Variants in KLF12 observed in about 807,000 individuals in gnomAD.
KLF12 encodes Krueppel-like factor 12.
In KLF12, 9 loss-of-function variants were observed where a neutral mutation model predicts 37.8. The observed-to-expected ratio is 0.24, with a 90% confidence interval of 0.14 to 0.42. The LOEUF is 0.42. KLF12 is among the 10% of genes least tolerant of loss of function. The pLI is 1.00. For missense variants in KLF12, 411 were observed against 516.0 expected, an observed-to-expected ratio of 0.80 and a Z score of 1.97; for synonymous variants, 208 against 202.1, an observed-to-expected ratio of 1.03 and a Z score of -0.25.
At chr13:74,280,477 G>C in the KLF12 span, among the ~76,000 whole-genome samples, 1 of 152,180 alleles carries the variant, frequency 6.6e-6, no homozygotes, top group Non-Finnish European at 1.5e-5. Context: ...ATACACACTG[G>C]AAATTTACAC....
chr13:73,896,652 A>C (rs1463523557), intron 3 of KLF12, among the ~76,000 whole-genome samples: 1 of 152,214 alleles, frequency 6.6e-6, no homozygotes, highest in East Asian at 1.9e-4. Context: ...ATATGTAATA[A>C]AATTTCTCTG....
At chr13:73,999,768 C>T (rs1412571924) in intron 1 of KLF12, among the ~76,000 whole-genome samples, 1 of 147,090 alleles carries the variant, frequency 6.8e-6, no homozygotes, top group African/African-American at 2.6e-5. Context: ...ACAAAAACCC[C>T]AGGCACAAAG....
chr13:73,825,281 C>T (rs1467015707), intron 4 of KLF12, among the ~76,000 whole-genome samples: 2 of 152,080 alleles, frequency 1.3e-5, no homozygotes, highest in Non-Finnish European at 2.9e-5. Flanking sequence ...TTGGTCAGAC[C>T]ACTTCCTGAG....
At chr13:73,929,521 A>C (rs1383847717) in intron 3 of KLF12, among the ~76,000 whole-genome samples, 1 of 152,184 alleles carries the variant, frequency 6.6e-6, no homozygotes, top group Non-Finnish European at 1.5e-5. Context: ...AAGAGAGTAC[A>C]TCTCACTGTA....
the KLF12 span, among the ~76,000 whole-genome samples, chr13:74,232,438 C>T: frequency 2.0e-5 from 3 of 152,130 alleles, no homozygotes; most frequent in African/African-American, 7.2e-5. Flanking sequence ...TTTATTCATT[C>T]ATATATGTTT....
chr13:73,833,715 A>C (rs915778101), intron 4 of KLF12, among the ~76,000 whole-genome samples: 5 of 152,158 alleles, frequency 3.3e-5, no homozygotes, highest in African/African-American at 1.2e-4. Context: ...TACATGGATA[A>C]AGGTAGAATG....
At chr13:74,289,148 A>T in the KLF12 span, 3 of 152,320 alleles carry the variant, frequency 2.0e-5, no homozygotes, top group Middle Eastern at 6.8e-3. Context: ...GGGTAGAACA[A>T]AGAGTTCGAT....
chr13:73,845,198 C>T (rs1186289909), intron 4 of KLF12: 1 of 152,094 alleles, frequency 6.6e-6, no homozygotes, highest in East Asian at 1.9e-4. Context: ...GAAATATTTC[C>T]AGTATATTGA....
At chr13:74,134,956 G>A (rs1196261922), upstream of KLF12, among the ~76,000 whole-genome samples, 1 of 151,784 alleles carries the variant, frequency 6.6e-6, no homozygotes, top group Admixed American at 6.6e-5. Context: ...CGGGACTGTG[G>A]GGCAGCTCGC....
At chr13:74,204,889 C>T in the KLF12 span, among the ~76,000 whole-genome samples, 1 of 152,076 alleles carries the variant, frequency 6.6e-6, no homozygotes, top group African/African-American at 2.4e-5. Context: ...AGTTTATTGC[C>T]ACTATTGCAA....
chr13:74,293,804 G>A, the KLF12 span, among the ~76,000 whole-genome samples: 1 of 152,174 alleles, frequency 6.6e-6, no homozygotes, highest in African/African-American at 2.4e-5. Flanking sequence ...AGCACCTGTG[G>A]CTGCTTCTTT....
At chr13:73,849,961 G>C (rs1328704080) in intron 3 of KLF12, among the ~76,000 whole-genome samples, 2 of 152,216 alleles carry the variant, frequency 1.3e-5, no homozygotes, top group East Asian at 1.9e-4. Flanking sequence ...GATTGTATAA[G>C]AACACTGGAT....
At chr13:73,706,320 G>GA (rs1235977999) in intron 7 of KLF12, among the ~76,000 whole-genome samples, 5 of 151,916 alleles carry the variant, frequency 3.3e-5, no homozygotes, top group African/African-American at 1.2e-4. Context: ...CTAAATATAG[G>GA]AAAAAAGATC....
chr13:73,899,348 G>A (rs1257466427), intron 3 of KLF12, among the ~76,000 whole-genome samples: 1 of 152,190 alleles, frequency 6.6e-6, no homozygotes, highest in Non-Finnish European at 1.5e-5. Flanking sequence ...CCACCTAATG[G>A]AAGGAGGGGA....
intron 3 of KLF12, among the ~76,000 whole-genome samples, chr13:73,939,636 CTT>C (rs1890101900): frequency 3.3e-5 from 5 of 152,112 alleles, no homozygotes; most frequent in Admixed American, 1.3e-4. Flanking sequence ...GTAATAGGGC[CTT>C]TTTCTCCTGT....
chr13:74,048,021 C>CCA (rs746368429), intron 1 of KLF12, among the ~76,000 whole-genome samples: 9 of 152,228 alleles, frequency 5.9e-5, no homozygotes, highest in Admixed American at 2.0e-4. Context: ...CATAGCTCCA[C>CCA]CATGCCCAGG....
chr13:73,949,725 C>A (rs147262663), intron 2 of KLF12, among the ~76,000 whole-genome samples: 33 of 152,280 alleles, frequency 2.2e-4, no homozygotes, highest in African/African-American at 7.7e-4. Context: ...ACTCACATAT[C>A]CTCATGCTGA....
the KLF12 span, among the ~76,000 whole-genome samples, chr13:74,143,761 A>G: frequency 6.6e-6 from 1 of 152,212 alleles, no homozygotes; most frequent in East Asian, 1.9e-4. Flanking sequence ...AGTAGAAGCC[A>G]TACCTTGAGT....
chr13:74,019,631 A>G (rs1476724893), intron 1 of KLF12, among the ~76,000 whole-genome samples: 1 of 152,250 alleles, frequency 6.6e-6, no homozygotes, highest in Non-Finnish European at 1.5e-5. Flanking sequence ...TAATTAGATT[A>G]AAATACAATT....
Sources: gnomAD v4.1 joint callset for allele counts (sites outside exome capture counted in the v4.1 genomes callset) on GRCh38, gnomAD v4.1.1 for gene constraint, MANE v1.5 for transcripts, NCBI Gene and HGNC (gene_info 2026-07-23, HGNC 2026-07-21) for gene names.